The following TBC1D2B variants were observed in gnomAD, a reference collection of about 807,000 sequenced individuals.
TBC1D2B encodes TBC1 domain family member 2B.
Under a neutral mutation model 100.8 loss-of-function variants are expected in TBC1D2B, and 64 were observed. That is an observed-to-expected ratio of 0.64 (90% confidence interval 0.52 to 0.78). TBC1D2B has a LOEUF of 0.78. TBC1D2B is among the 30% of genes least tolerant of loss of function. The pLI is 0.00. For missense variants in TBC1D2B, 1,052 were observed against 1,218.4 expected (o/e 0.86, Z 2.03); for synonymous variants, 480 against 479.7 (o/e 1.00, Z -0.01).
At chr15:78,048,788 C>G (rs1318898883) in intron 2 of TBC1D2B, among the ~76,000 whole-genome samples, 1 of 152,244 alleles carries the variant, frequency 6.6e-6, no homozygotes, top group South Asian at 2.1e-4. Flanking sequence ...TGCCTACAAC[C>G]GGACTGCCTC....
At chr15:78,061,414 A>C (rs2073542938) in intron 1 of TBC1D2B, among the ~76,000 whole-genome samples, 1 of 151,310 alleles carries the variant, frequency 6.6e-6, no homozygotes, top group Non-Finnish European at 1.5e-5. Context: ...CTCTACAAAA[A>C]GTACAAAAAT....
At chr15:78,045,127 C>G (rs1596322977) in intron 2 of TBC1D2B, 59 bp from the exon 3 acceptor site, 3 of 1,495,704 alleles carry the variant, frequency 2.0e-6, no homozygotes, top group Non-Finnish European at 2.7e-6. Context: ...AACTTGACAT[C>G]CCACATAAAA....
At chr15:78,045,387 G>C (rs532294491) in intron 2 of TBC1D2B, among the ~76,000 whole-genome samples, 2 of 152,046 alleles carry the variant, frequency 1.3e-5, no homozygotes, top group Admixed American at 6.5e-5. Flanking sequence ...CCATAAACCC[G>C]TCATCAAAGT....
intron 9 of TBC1D2B, among the ~76,000 whole-genome samples, chr15:78,011,695 C>A (rs1397734824): frequency 4.8e-5 from 7 of 144,330 alleles, no homozygotes; most frequent in Non-Finnish European, 3.0e-5. Flanking sequence ...GTTGTTCAGG[C>A]TGGAGTGCAG....
intron 8 of TBC1D2B, among the ~76,000 whole-genome samples, chr15:78,015,290 T>C (rs2072342832): frequency 6.6e-6 from 1 of 152,106 alleles, no homozygotes; most frequent in Non-Finnish European, 1.5e-5. Flanking sequence ...AAAATGAAAC[T>C]ATATTGGCAA....
intron 1 of TBC1D2B, among the ~76,000 whole-genome samples, chr15:78,073,560 G>C (rs770096714): frequency 2.6e-5 from 4 of 152,184 alleles, no homozygotes; most frequent in Non-Finnish European, 5.9e-5. Flanking sequence ...AAGGGAATCA[G>C]TTCTTGCATT....
At chr15:78,034,239 G>A (rs997352287) in intron 3 of TBC1D2B, among the ~76,000 whole-genome samples, 5 of 152,174 alleles carry the variant, frequency 3.3e-5, no homozygotes, top group Non-Finnish European at 5.9e-5. Context: ...AAATTGTAGA[G>A]AAAACTATTT....
intron 1 of TBC1D2B, among the ~76,000 whole-genome samples, chr15:78,063,373 A>G (rs904982674): frequency 6.6e-6 from 1 of 152,264 alleles, no homozygotes; most frequent in African/African-American, 2.4e-5. Context: ...GAAGGATGAG[A>G]GAGCATGTCC....
chr15:78,010,329 G>C (rs1287171196), intron 9 of TBC1D2B, among the ~76,000 whole-genome samples: 3 of 152,122 alleles, frequency 2.0e-5, no homozygotes, highest in Non-Finnish European at 4.4e-5. Flanking sequence ...GCGGGAATCT[G>C]GAGCAGCAGG....
chr15:78,053,907 T>C, intron 2 of TBC1D2B, 127 bp downstream of exon 2: 3 of 1,073,850 alleles, frequency 2.8e-6, no homozygotes, highest in Non-Finnish European at 2.6e-6. Flanking sequence ...TGGAATGCTG[T>C]CCACTCATAA....
At chr15:78,046,888 G>A (rs1353148636) in intron 2 of TBC1D2B, among the ~76,000 whole-genome samples, 2 of 152,344 alleles carry the variant, frequency 1.3e-5, no homozygotes, top group East Asian at 1.9e-4. Context: ...CCTGTGCTGC[G>A]CAGGCTTGGA....
intron 1 of TBC1D2B, among the ~76,000 whole-genome samples, chr15:78,066,362 C>T (rs970800637): frequency 1.3e-5 from 2 of 152,174 alleles, no homozygotes; most frequent in Non-Finnish European, 2.9e-5. Context: ...TAGAAAGCCA[C>T]CATCATACAG....
chr15:78,019,750 G>A (rs1447947360), intron 6 of TBC1D2B, among the ~76,000 whole-genome samples: 1 of 151,942 alleles, frequency 6.6e-6, no homozygotes, highest in African/African-American at 2.4e-5. Context: ...AATTTAGCCA[G>A]ACGTGATAGC....
At position 78,044,482 on chromosome 15, in the gene TBC1D2B, C is replaced by A. The variant is rs117136712; in HGVS notation, c.683+418G>T. On this transcript the variant is annotated intron_variant, in intron 3 of 12. Coordinates refer to ENST00000300584, the MANE Select transcript of TBC1D2B (RefSeq NM_144572.2). ...CCACCTCTACTCTCACTAGCCCATG[C>A]ACAAACAGAGAATGGAAATCCAGAG... Among the ~76,000 whole-genome samples the A allele has an allele frequency of 1.1e-3, 171 of 152,264 alleles. 3 individuals carry two copies. In the East Asian group the frequency reaches 0.032, roughly 28 times the overall value.
intron 9 of TBC1D2B, among the ~76,000 whole-genome samples, chr15:78,011,655 T>G (rs1264061575): frequency 5.4e-5 from 8 of 148,826 alleles, no homozygotes; most frequent in South Asian, 4.3e-4. Context: ...GTTTTTTTTT[T>G]TTTTTTTTTT....
At chr15:78,020,850 A>G (rs543736076) in intron 6 of TBC1D2B, among the ~76,000 whole-genome samples, 158 of 152,356 alleles carry the variant, frequency 1.0e-3, no homozygotes, top group African/African-American at 3.7e-3. Flanking sequence ...TGGAAGAAGG[A>G]GAAGCTGTAG....
At chr15:78,016,886 A>C (rs2072391060) in intron 7 of TBC1D2B, 147 bp from the exon 8 acceptor site, 1 of 636,542 alleles carries the variant, frequency 1.6e-6, no homozygotes. Flanking sequence ...AAATTAATTT[A>C]TGCCACAGAC....
Position 78,023,063 on chromosome 15 carries a change from G to A in TBC1D2B, c.1470+1093C>T, listed in dbSNP as rs552377930. 2.0e-5 allele frequency among the ~76,000 whole-genome samples: 3 copies of A among 152,076 alleles called. No homozygotes were observed. In the South Asian group the frequency reaches 6.2e-4, roughly 32 times the overall value. Reference sequence around the variant, plus strand: ...ACTTCTGTTTTGGAATTATCTTCAGGGTCCCTAGCATGCCTATCATTCCCT... The same window carrying A: ...ACTTCTGTTTTGGAATTATCTTCAGAGTCCCTAGCATGCCTATCATTCCCT... On this transcript the variant is annotated intron_variant, in intron 6 of 12. Transcript: ENST00000300584.
At chr15:78,031,834 T>C (rs9920647) in intron 3 of TBC1D2B, among the ~76,000 whole-genome samples, 7,785 of 152,188 alleles carry the variant, frequency 0.051, 400 homozygotes, top group African/African-American at 0.12. Flanking sequence ...CCATGGTTTT[T>C]GGATATTGGC....
Sources: gnomAD v4.1 joint callset for allele counts (sites outside exome capture counted in the v4.1 genomes callset) on GRCh38, gnomAD v4.1.1 for gene constraint, MANE v1.5 for transcripts, NCBI Gene and HGNC (gene_info 2026-07-23, HGNC 2026-07-21) for gene names.